Variants in PIK3C3 observed in about 807,000 individuals in gnomAD.
PIK3C3 encodes the protein PI3-kinase type 3.
PIK3C3 carries 95 observed loss-of-function variants against 126.1 expected under a neutral mutation model. The ratio of observed to expected loss-of-function variants is 0.75; its 90% confidence interval spans 0.64 to 0.89. The LOEUF is 0.89. Among genes scored for constraint, PIK3C3 ranks in the 40% least tolerant of loss-of-function variants. PIK3C3 has a pLI of 0.00. For synonymous variants in PIK3C3, 374 were observed against 360.0 expected (o/e 1.04, Z -0.44); for missense variants, 829 against 1,063.2 (o/e 0.78, Z 3.06).
intron 21 of PIK3C3, among the ~76,000 whole-genome samples, chr18:42,052,439 CTG>C (rs1984847717): frequency 1.3e-5 from 2 of 152,066 alleles, no homozygotes; most frequent in African/African-American, 4.8e-5. Context: ...CTTAACTGCT[CTG>C]TAATTATTTC....
At chr18:42,075,919 T>A (rs1469983184) in intron 24 of PIK3C3, among the ~76,000 whole-genome samples, 2 of 149,562 alleles carry the variant, frequency 1.3e-5, no homozygotes. Context: ...TGTTCTCTAG[T>A]GTAGTCACCT....
chr18:42,015,907 G>A (rs897550849), intron 12 of PIK3C3, among the ~76,000 whole-genome samples: 2 of 152,050 alleles, frequency 1.3e-5, no homozygotes, highest in African/African-American at 2.4e-5. Context: ...TGATTACATC[G>A]TAGAAATGTA....
chr18:41,979,155 G>GA (rs763081923), intron 4 of PIK3C3, among the ~76,000 whole-genome samples: 216 of 151,356 alleles, frequency 1.4e-3, no homozygotes, highest in Non-Finnish European at 2.3e-3. Flanking sequence ...GCCCTTGGCT[G>GA]ATGTCTGAGA....
chr18:41,986,151 G>A (rs1261952908), intron 4 of PIK3C3, among the ~76,000 whole-genome samples: 2 of 152,108 alleles, frequency 1.3e-5, no homozygotes, highest in Non-Finnish European at 2.9e-5. Context: ...CCCTAGCTTG[G>A]CCACTTCATA....
At chr18:42,011,867 T>G (rs956856466) in intron 10 of PIK3C3, among the ~76,000 whole-genome samples, 1 of 152,108 alleles carries the variant, frequency 6.6e-6, no homozygotes, top group African/African-American at 2.4e-5. Context: ...TTACTGTGTC[T>G]TGGAATAGGG....
rs1983711102 is a variant in PIK3C3, at chr18:42,029,270, A to T, written c.1591-55A>T. The T allele has an allele frequency of 4.8e-6, 5 of 1,035,452 alleles. No individual in the cohort carries two copies. In the Admixed American group the frequency reaches 8.5e-5, roughly 18 times the overall value. The allele number at this position is 1,035,452 out of a possible 1,614,324, so 64.1% of individuals were successfully genotyped here. A position where few individuals can be genotyped will look rare whatever the true frequency, so the allele number is the denominator to read the frequency against. ...TAAGGATTATCCATGCTGTTAAAGA[A>T]ATCCAGATCATTACGCAACATAGAA... On this transcript the variant is annotated intron_variant, in intron 14 of 24. Transcript: ENST00000262039.
chr18:42,077,649 T>C (rs1240521321), intron 24 of PIK3C3, among the ~76,000 whole-genome samples: 1 of 152,212 alleles, frequency 6.6e-6, no homozygotes, highest in Non-Finnish European at 1.5e-5. Context: ...TTCCACCACA[T>C]CTGCAATTAC....
Position 42,033,859 on chromosome 18 carries a change from G to A in PIK3C3, c.1741G>A (p.Glu581Lys). The stretch of plus-strand genomic sequence containing the variant: ...ACTACAGGCATTGCTTGGAGATAAT[G>A]AAAAGATGAATTTGTCAGATGTGGA... ...ERLQALLGDN[E>K]KMNLSDVELI... is the part of the protein sequence containing the mutation. Residue 581 changes from glutamate (E) to lysine (K), a missense_variant, in exon 16 of 25, where the codon GAA becomes AAA. Around this residue, in one of 4 missense-constraint regions of PIK3C3, gnomAD observed 256 missense variants for 291.0 expected, o/e 0.88. Transcript: ENST00000262039. 6.2e-7 allele frequency: 1 copy of A among 1,605,026 alleles called. No homozygotes were observed.
intron 24 of PIK3C3, among the ~76,000 whole-genome samples, chr18:42,076,103 T>TATATATATATATATGCAC (rs1568013429): frequency 1.5e-5 from 1 of 66,578 alleles, no homozygotes; most frequent in Non-Finnish European, 2.9e-5. Flanking sequence ...TATATATATA[T>TATATATATATATATGCAC]ATATATATAT....
intron 21 of PIK3C3, among the ~76,000 whole-genome samples, chr18:42,057,181 G>A (rs1240639188): frequency 6.7e-6 from 1 of 150,316 alleles, no homozygotes; most frequent in African/African-American, 2.5e-5. Flanking sequence ...TTACAGATTA[G>A]TAAAATTTAA....
chr18:41,989,720 TTG>T (rs1384233463), intron 5 of PIK3C3, among the ~76,000 whole-genome samples: 23 of 152,190 alleles, frequency 1.5e-4, no homozygotes, highest in East Asian at 5.8e-4. Context: ...CCATCTAGAT[TTG>T]TGTGTTTACA....
At chr18:42,041,772 C>T (rs1460860634) in intron 19 of PIK3C3, among the ~76,000 whole-genome samples, 2 of 152,094 alleles carry the variant, frequency 1.3e-5, no homozygotes, top group Non-Finnish European at 2.9e-5. Flanking sequence ...GATTCTTTTG[C>T]AAAGCAAGTG....
intron 4 of PIK3C3, among the ~76,000 whole-genome samples, chr18:41,983,272 G>A (rs758311193): frequency 3.9e-5 from 6 of 151,956 alleles, no homozygotes; most frequent in Non-Finnish European, 5.9e-5. Flanking sequence ...CATGATGGAA[G>A]TTTGTTACTT....
At chr18:42,015,053 T>A (rs1010480738) in intron 11 of PIK3C3, among the ~76,000 whole-genome samples, 2 of 152,164 alleles carry the variant, frequency 1.3e-5, no homozygotes, top group Non-Finnish European at 2.9e-5. Flanking sequence ...CAACTTACGG[T>A]CTACTAGTCA....
rs1289263671 is a variant in PIK3C3, at chr18:42,054,149, T to G, written c.2264-3734T>G. Among the ~76,000 whole-genome samples, 5 of 20,730 alleles carry G rather than the reference T, an allele frequency of 2.4e-4. 1 individual carries two copies. Among genetic ancestry groups the G allele is most frequent in the African/African-American group, 1.6e-3 (5 of 3,212 alleles). 13.6% of individuals were successfully genotyped at this position (20,730 alleles called of 152,430 possible). A position where few individuals can be genotyped will look rare whatever the true frequency, so the allele number is the denominator to read the frequency against. On this transcript the variant is annotated intron_variant, in intron 21 of 24. Coordinates refer to ENST00000262039, the MANE Select transcript of PIK3C3 (RefSeq NM_002647.4). ...TGGTATATATATATATATATATATATATATATATATATATATATATATATA... is the reference window on the plus strand; with the variant it reads ...TGGTATATATATATATATATATATAGATATATATATATATATATATATATA...
intron 2 of PIK3C3, among the ~76,000 whole-genome samples, chr18:41,959,317 T>A (rs917255537): frequency 6.6e-6 from 1 of 152,228 alleles, no homozygotes; most frequent in Non-Finnish European, 1.5e-5. Flanking sequence ...TCCTCCCATT[T>A]GCCAACTCTT....
At chr18:42,048,387 G>C (rs1013075848) in intron 20 of PIK3C3, among the ~76,000 whole-genome samples, 1 of 152,160 alleles carries the variant, frequency 6.6e-6, no homozygotes, top group Non-Finnish European at 1.5e-5. Context: ...AGCTGAGTCA[G>C]CCGCTTGCTT....
chr18:42,030,544 G>A (rs755045007), intron 15 of PIK3C3, among the ~76,000 whole-genome samples: 1 of 152,162 alleles, frequency 6.6e-6, no homozygotes, highest in African/African-American at 2.4e-5. Flanking sequence ...AAAGAATCAG[G>A]TCTAAAGAGA....
In PIK3C3 at chr18:42,035,797, TC is replaced by T; in HGVS notation, c.1839+1842del. Among the ~76,000 whole-genome samples the T allele has an allele frequency of 2.6e-5, 4 of 152,298 alleles. No homozygotes were observed. The South Asian group carries it at 8.3e-4, about 32-fold the overall frequency. On this transcript the variant is annotated intron_variant, in intron 16 of 24. Coordinates refer to ENST00000262039, the MANE Select transcript of PIK3C3 (RefSeq NM_002647.4). The stretch of plus-strand genomic sequence containing the variant: ...GCAGAGGATCTGTGGACTCCTGTTT[TC>T]CTTGTATGAGCTCCTTAGAGCTGAA...
Sources: gnomAD v4.1 joint callset for allele counts (sites outside exome capture counted in the v4.1 genomes callset) on GRCh38, gnomAD v4.1.1 for gene constraint, gnomAD v4.1.1 regional missense constraint, MANE v1.5 for transcripts, NCBI Gene and HGNC (gene_info 2026-07-23, HGNC 2026-07-21) for gene names.